The following SMTNL1 variants were observed in gnomAD, a reference collection of about 807,000 sequenced individuals.
SMTNL1 encodes the protein smoothelin like 1.
Under a neutral mutation model 46.6 loss-of-function variants are expected in SMTNL1, and 41 were observed. That is an observed-to-expected ratio of 0.88 (90% confidence interval 0.69 to 1.14). SMTNL1 has a LOEUF of 1.14. SMTNL1 is among the 50% of genes most tolerant of loss of function. The pLI, the probability that SMTNL1 is intolerant of heterozygous loss-of-function variation, is 0.00. For synonymous variants in SMTNL1, 234 were observed against 234.2 expected (o/e 1.00, Z 0.01); for missense variants, 591 against 626.1 (o/e 0.94, Z 0.60).
Position 57,543,310 on chromosome 11 carries a change from A to C in SMTNL1, c.668A>C (p.Glu223Ala). 1 of 1,613,988 alleles carries C rather than the reference A, an allele frequency of 6.2e-7. No individual in the cohort carries two copies. The highest frequency in any genetic ancestry group is 8.5e-7 in the Non-Finnish European group (1 of 1,179,876). Residue 223 changes from glutamate to alanine, a missense_variant, in exon 2 of 8, where the codon GAG (glutamate) becomes GCG (alanine). By Grantham distance (107) the Glu-to-Ala change is moderately radical. Coordinates refer to ENST00000527972, the MANE Select transcript of SMTNL1 (RefSeq NM_001105565.3). ...AEPKEPDGKEEAKHGAKEEAD... is the reference protein window; with the variant it reads ...AEPKEPDGKEAAKHGAKEEAD... ...CCCAAGGAGCCCGATGGGAAAGAGG[A>C]GGCCAAACATGGTGCAAAAGAGGAG... is the stretch of plus-strand genomic sequence containing the variant.
At chr11:57,538,028 A>AG (rs1193459200) in intron 1 of SMTNL1, among the ~76,000 whole-genome samples, 1 of 127,528 alleles carries the variant, frequency 7.8e-6, no homozygotes, top group Non-Finnish European at 1.7e-5. Context: ...AAACATTATG[A>AG]GATTTTTTTT....
Position 57,543,868 on chromosome 11 carries a change from G to A in SMTNL1, c.866-1G>A. The A allele has an allele frequency of 6.3e-7, 1 of 1,591,838 alleles. No homozygotes were observed. On this transcript the variant is annotated splice_acceptor_variant, in intron 3 of 7. Coordinates refer to ENST00000527972, the MANE Select transcript of SMTNL1 (RefSeq NM_001105565.3). LOFTEE classifies it high-confidence loss of function. ...CCCTCCCTCCTTTCACTTTCCTCCA[G>A]ATGGGCTGGGTCCAGACTGTGTAGC...
At chr11:57,548,766 TC>T (rs1273638833) in intron 7 of SMTNL1, among the ~76,000 whole-genome samples, 1 of 152,178 alleles carries the variant, frequency 6.6e-6, no homozygotes, top group Non-Finnish European at 1.5e-5. Flanking sequence ...CTTATTTTCC[TC>T]CTTAGCACCT....
At chr11:57,540,975 C>T (rs749342960) in intron 1 of SMTNL1, among the ~76,000 whole-genome samples, 13 of 152,202 alleles carry the variant, frequency 8.5e-5, no homozygotes, top group Non-Finnish European at 1.6e-4. Context: ...TCCCAAAGTG[C>T]TGGGATTACA....
rs200373819 is a variant in SMTNL1 at position 57,542,807 on chromosome 11, G to C, written c.165G>C (p.Lys55Asn). The C allele has an allele frequency of 1.2e-6, 2 of 1,613,774 alleles. No individual in the cohort carries two copies. The highest frequency in any genetic ancestry group is 2.7e-5 in the African/African-American group (2 of 74,950). Residue 55 changes from lysine (K) to asparagine (N), a missense_variant, in exon 2 of 8, where the codon AAG (lysine) becomes AAC (asparagine). By Grantham distance (94) the Lys-to-Asn change is moderately conservative (BLOSUM62 0). Coordinates refer to ENST00000527972, the MANE Select transcript of SMTNL1 (RefSeq NM_001105565.3). The stretch of plus-strand genomic sequence containing the variant: ...CCACTGAGTCAGGAAAGCAGGAAAA[G>C]GCACCAGCCGAGGACGGCATGTCAG... ...GPPTESGKQE[K>N]APAEDGMSAE... is the part of the protein sequence containing the mutation.
chr11:57,546,700 G>A, intron 7 of SMTNL1, 48 bp downstream of exon 7: 1 of 1,586,200 alleles, frequency 6.3e-7, no homozygotes, highest in Non-Finnish European at 8.6e-7. Context: ...GCCTAGGCGA[G>A]GACTGGATTC....
chr11:57,541,673 C>A, intron 1 of SMTNL1: 1 of 1,049,944 alleles, frequency 9.5e-7, no homozygotes, highest in Non-Finnish European at 1.3e-6. Flanking sequence ...CTGGGGTTCC[C>A]AAATTTCAGC....
At chr11:57,545,157 A>G (rs946623301) in intron 4 of SMTNL1, among the ~76,000 whole-genome samples, 8 of 151,968 alleles carry the variant, frequency 5.3e-5, no homozygotes, top group African/African-American at 1.9e-4. Context: ...TTTCTTAGGG[A>G]AAGATAACCA....
intron 1 of SMTNL1, among the ~76,000 whole-genome samples, chr11:57,539,938 C>T (rs1944860178): frequency 6.6e-6 from 1 of 152,112 alleles, no homozygotes; most frequent in Non-Finnish European, 1.5e-5. Context: ...CAGGAAGACA[C>T]CAGAATCAAT....
chr11:57,545,755 TG>T, intron 4 of SMTNL1, 125 bp from the exon 5 acceptor site: 1 of 907,716 alleles, frequency 1.1e-6, no homozygotes, highest in Non-Finnish European at 1.6e-6. Flanking sequence ...CTCCCAGTGC[TG>T]GGCACAGCTG....
At chr11:57,544,094 G>A (rs976385724) in intron 4 of SMTNL1, among the ~76,000 whole-genome samples, 174 bp downstream of exon 4, 22 of 152,224 alleles carry the variant, frequency 1.4e-4, no homozygotes, top group African/African-American at 5.1e-4. Context: ...GAAGCCAGAG[G>A]CATGGTCGGC....
intron 1 of SMTNL1, chr11:57,541,492 C>T: frequency 7.3e-7 from 1 of 1,367,204 alleles, no homozygotes; most frequent in Non-Finnish European, 9.8e-7. Context: ...GTTAAGATGT[C>T]ATAATCTACC....
intron 4 of SMTNL1, among the ~76,000 whole-genome samples, chr11:57,544,423 G>A (rs1046699786): frequency 2.0e-5 from 3 of 152,162 alleles, no homozygotes; most frequent in African/African-American, 7.2e-5. Context: ...AGGCAGAAAG[G>A]AGCACGAAGG....
intron 4 of SMTNL1, among the ~76,000 whole-genome samples, chr11:57,545,664 G>A (rs578032407): frequency 6.6e-6 from 1 of 151,148 alleles, no homozygotes; most frequent in African/African-American, 2.4e-5. Flanking sequence ...CCTCAGAGGT[G>A]TCCTAGCTCT....
intron 4 of SMTNL1, 88 bp from the exon 5 acceptor site, chr11:57,545,793 A>ACCCCCCCC: frequency 1.1e-6 from 1 of 902,110 alleles, no homozygotes; most frequent in Non-Finnish European, 1.7e-6. Context: ...CTGCAGTGCC[A>ACCCCCCCC]CCCACCCTCC....
At position 57,546,267 on chromosome 11, in the gene SMTNL1, A is replaced by G; in HGVS notation, c.1108A>G (p.Thr370Ala). ...CGGCCCCACGGCCTTGTTCCGCAACACTAAGGCAGCCGGGGCAGCCATTGG... is the reference window on the plus strand; with the variant it reads ...CGGCCCCACGGCCTTGTTCCGCAACGCTAAGGCAGCCGGGGCAGCCATTGG... Reference protein sequence around the residue: ...ASGPTALFRNTKAAGAAIGGV... With the variant: ...ASGPTALFRNAKAAGAAIGGV... The change falls in exon 6 of 8, where the codon ACT becomes GCT. Residue 370 changes from threonine to alanine, a missense_variant. Coordinates refer to ENST00000527972, the MANE Select transcript of SMTNL1 (RefSeq NM_001105565.3). The G allele has an allele frequency of 6.2e-7, 1 of 1,609,840 alleles. No individual in the cohort carries two copies.
In SMTNL1 at chr11:57,542,828, G is replaced by A. The variant is rs749530352; in HGVS notation, c.186G>A (p.Met62Ile). ...KQEKAPAEDG[M>I]SAELQGEANG... is the part of the protein sequence containing the mutation. ...AAAAGGCACCAGCCGAGGACGGCAT[G>A]TCAGCAGAACTCCAGGGGGAAGCAA... The change falls in exon 2 of 8, where the codon ATG becomes ATA. Residue 62 changes from methionine to isoleucine, a missense_variant. Met to Ile is a conservative substitution (Grantham distance 10). Transcript: ENST00000527972. The A allele has an allele frequency of 4.3e-6, 7 of 1,613,662 alleles. No homozygotes were observed. The Admixed American group carries it at 1.2e-4, about 27-fold the overall frequency.
intron 1 of SMTNL1, among the ~76,000 whole-genome samples, chr11:57,540,610 A>T (rs1377624944): frequency 6.6e-6 from 1 of 152,168 alleles, no homozygotes; most frequent in Non-Finnish European, 1.5e-5. Context: ...CTACTTGCTC[A>T]GGTCTCAGTG....
At chr11:57,543,506 G>T in intron 2 of SMTNL1, 118 bp from the exon 3 acceptor site, 1 of 1,516,178 alleles carries the variant, frequency 6.6e-7, no homozygotes, top group Non-Finnish European at 8.8e-7. Flanking sequence ...GTGGGGGAGG[G>T]GGGACAAGGA....
Sources: allele counts gnomAD v4.1 joint callset (sites outside exome capture counted in the v4.1 genomes callset), GRCh38; gene constraint gnomAD v4.1.1; transcripts MANE v1.5; gene names NCBI Gene and HGNC (gene_info 2026-07-23, HGNC 2026-07-21).